Variants in ZFP62 observed in about 807,000 individuals in gnomAD.
The protein encoded by ZFP62 is ZFP62 zinc finger protein.
In ZFP62, 44 loss-of-function variants were observed where a neutral mutation model predicts 56.4. The observed-to-expected ratio is 0.78, with a 90% CI of 0.61 to 1.00. ZFP62 has a LOEUF of 1.00. Ranked by LOEUF, ZFP62 falls within the 50% of genes least tolerant of loss-of-function variation. The probability of loss-of-function intolerance (pLI) is 0.00; values close to 1 mark genes in which losing one functional copy is unlikely to be tolerated. For synonymous variants in ZFP62, 421 were observed against 388.9 expected, an observed-to-expected ratio of 1.08 and a Z score of -0.97; for missense variants, 1,030 against 1,085.7, an observed-to-expected ratio of 0.95 and a Z score of 0.72.
rs141258344 is a variant in ZFP62, at chr5:180,852,382, C to T, written c.2-889G>A. ...ACCATCCTGGCCAACATGGTTAAGC[C>T]GTCTCTAGTAAAAATACAAAAATTA... On this transcript the variant is annotated intron_variant, in intron 1 of 1. Transcript: ENST00000502412. Among the ~76,000 whole-genome samples, 544 of 151,998 alleles carry T rather than the reference C, an allele frequency of 3.6e-3. 6 individuals are homozygous for T. Among genetic ancestry groups the T allele is most frequent in the African/African-American group, 0.012 (494 of 41,454 alleles).
chr5:180,850,849 T>C lies in ZFP62; in HGVS notation c.646A>G (p.Lys216Glu). The change falls in exon 2 of 2, where the codon AAA (lysine) becomes GAA (glutamate). Residue 216 changes from lysine (K) to glutamate (E), a missense_variant. By Grantham distance (56) the Lys-to-Glu change is moderately conservative. Coordinates refer to ENST00000502412, the MANE Select transcript of ZFP62 (RefSeq NM_001172638.2). Reference protein sequence around the residue: ...YMSYSSLINHKSTHSGEKNCK... With the variant: ...YMSYSSLINHESTHSGEKNCK... ...TTCTTCTCCCCAGAATGGGTGCTTTTGTGGTTTATAAGGCTGGAGTAGGAC... is the reference window on the plus strand; with the variant it reads ...TTCTTCTCCCCAGAATGGGTGCTTTCGTGGTTTATAAGGCTGGAGTAGGAC... 1 of 1,563,756 alleles carries C rather than the reference T, an allele frequency of 6.4e-7. No individual in the cohort carries two copies. Among genetic ancestry groups the C allele is most frequent in the Non-Finnish European group, 8.7e-7 (1 of 1,154,178 alleles).
the ZFP62 span, among the ~76,000 whole-genome samples, chr5:180,836,561 T>C: frequency 2.0e-5 from 3 of 152,254 alleles, no homozygotes; most frequent in Non-Finnish European, 4.4e-5. Flanking sequence ...TTTGTAAAGA[T>C]GCAATTTCCA....
chr5:180,833,999 A>T, the ZFP62 span, among the ~76,000 whole-genome samples: 1 of 152,152 alleles, frequency 6.6e-6, no homozygotes, highest in Non-Finnish European at 1.5e-5. Context: ...AACCCAAGCT[A>T]AGACACTCCA....
At chr5:180,832,766 C>CA in the ZFP62 span, 3 of 152,228 alleles carry the variant, frequency 2.0e-5, no homozygotes, top group African/African-American at 7.2e-5. Context: ...CTGCATCACC[C>CA]AGGAACTTGT....
downstream of ZFP62, among the ~76,000 whole-genome samples, chr5:180,845,465 G>T (rs557741913): frequency 6.7e-6 from 1 of 150,192 alleles, no homozygotes; most frequent in African/African-American, 2.5e-5. Flanking sequence ...CCATGTCCTC[G>T]GCCACTATAC....
Position 180,849,142 on chromosome 5 carries a change from A to G in ZFP62, c.2353T>C (p.Tyr785His). The change falls in exon 2 of 2, where the codon TAT becomes CAT. Residue 785 changes from tyrosine (Y) to histidine (H), a missense_variant. By Grantham distance (83) the Tyr-to-His change is moderately conservative. Transcript: ENST00000502412. ...HKRIHTGEKP[Y>H]ECDECGKAYI... ...GCCTTCCCACACTCATCACATTCAT[A>G]GGGTTTCTCACCTGTGTGGATCCTT... The G allele has an allele frequency of 1.9e-6, 3 of 1,562,998 alleles. 1 individual carries two copies. In the South Asian group the frequency reaches 3.5e-5, roughly 18 times the overall value.
the ZFP62 span, among the ~76,000 whole-genome samples, chr5:180,828,405 C>T: frequency 2.8e-3 from 424 of 152,320 alleles, 3 homozygotes; most frequent in African/African-American, 9.6e-3. Context: ...CCAAGAAGCT[C>T]CACCTTCATC....
chr5:180,838,831 T>C, the ZFP62 span, among the ~76,000 whole-genome samples: 1 of 152,212 alleles, frequency 6.6e-6, no homozygotes, highest in Non-Finnish European at 1.5e-5. Context: ...TTGTCAAAAG[T>C]ATAAATTGTT....
intron 1 of ZFP62, 112 bp from the exon 2 acceptor site, chr5:180,851,605 T>C: frequency 8.2e-7 from 1 of 1,216,274 alleles, no homozygotes; most frequent in Non-Finnish European, 1.1e-6. Context: ...GACAACATAC[T>C]GTGTGACAGG....
chr5:180,842,045 T>C, the ZFP62 span, among the ~76,000 whole-genome samples: 1 of 152,036 alleles, frequency 6.6e-6, no homozygotes, highest in East Asian at 1.9e-4. Context: ...ATACTCCGTC[T>C]CCAGAAAAAA....
chr5:180,842,305 G>A, the ZFP62 span, among the ~76,000 whole-genome samples: 26 of 152,146 alleles, frequency 1.7e-4, no homozygotes, highest in Non-Finnish European at 2.9e-4. Flanking sequence ...ATGGTATAGA[G>A]CTAATATCTG....
chr5:180,856,576 A>G (rs1773984889), intron 1 of ZFP62, among the ~76,000 whole-genome samples: 1 of 152,200 alleles, frequency 6.6e-6, no homozygotes, highest in Admixed American at 6.5e-5. Context: ...ATTCCTATCC[A>G]AAGACATGGA....
Position 180,849,757 on chromosome 5 carries a change from T to C in ZFP62, c.1738A>G (p.Lys580Glu), listed in dbSNP as rs1773586055. The change falls in exon 2 of 2, where the codon AAA becomes GAA. Residue 580 changes from lysine to glutamate, a missense_variant. Transcript: ENST00000502412. The stretch of plus-strand genomic sequence containing the variant: ...GGCTTCTCCCCAGGGTGTACACTTT[T>C]ATGATTTATAAGGCTCGAGAGAGAG... ...YISLSSLINH[K>E]SVHPGEKPFK... 1.3e-6 allele frequency: 2 copies of C among 1,551,818 alleles called. No homozygotes were observed. Among genetic ancestry groups the C allele is most frequent in the Non-Finnish European group, 1.7e-6 (2 of 1,147,132 alleles).
downstream of ZFP62, among the ~76,000 whole-genome samples, chr5:180,842,666 G>C (rs1357709140): frequency 6.6e-6 from 1 of 152,160 alleles, no homozygotes. Flanking sequence ...ACCTCTAACA[G>C]GACAGAGTAT....
At chr5:180,852,251 G>A (rs2113690860) in intron 1 of ZFP62, among the ~76,000 whole-genome samples, 1 of 152,122 alleles carries the variant, frequency 6.6e-6, no homozygotes, top group East Asian at 1.9e-4. Context: ...CAACTATGAA[G>A]CCATATGGAA....
rs1480676460 is a variant in ZFP62, at chr5:180,849,215, A to G, written c.2280T>C (p.Asp760=). Residue 760 remains aspartate, a synonymous_variant, in exon 2 of 2, where the codon GAT becomes GAC. Coordinates refer to ENST00000502412, the MANE Select transcript of ZFP62 (RefSeq NM_001172638.2). ...TGTTCCTGAAGGCCTTCCCACACCT[A>G]TCACACACATAGGGTTTCTCCCCTG... ...IHTGEKPYVC[D]RCGKAFRNSS... is the part of the protein sequence containing the mutation. 5 of 1,559,762 alleles carry G rather than the reference A, an allele frequency of 3.2e-6. No homozygotes were observed. In the South Asian group the frequency reaches 5.9e-5, roughly 18 times the overall value.
the ZFP62 span, among the ~76,000 whole-genome samples, chr5:180,839,326 G>A: frequency 6.6e-6 from 1 of 152,190 alleles, no homozygotes; most frequent in South Asian, 2.1e-4. Flanking sequence ...AACCATGACA[G>A]CCTGTTTGTA....
rs1384982010 is a variant in ZFP62 at position 180,850,963 on chromosome 5, A to G, written c.532T>C (p.Phe178Leu). The part of the protein sequence containing the change: ...RYECDDCGGT[F>L]RSSSSLRVHK... ...ACCCGAAGGCTCGAGCTGCTCCGGA[A>G]AGTCCCTCCACAGTCATCACATTCA... is the stretch of plus-strand genomic sequence containing the variant. Residue 178 changes from phenylalanine (F) to leucine (L), a missense_variant, in exon 2 of 2, where the codon TTC becomes CTC. Physicochemically the swap from Phe to Leu is conservative, Grantham distance 22. Transcript: ENST00000502412. 6.4e-7 allele frequency: 1 copy of G among 1,553,794 alleles called. No homozygotes were observed. Among genetic ancestry groups the G allele is most frequent in the Admixed American group, 2.0e-5 (1 of 51,106 alleles).
At position 180,849,795 on chromosome 5, in the gene ZFP62, C is replaced by T; in HGVS notation, c.1700G>A (p.Gly567Glu). Residue 567 changes from glycine to glutamate, a missense_variant, in exon 2 of 2, where the codon GGG becomes GAG. Gly to Glu is a moderately conservative substitution (Grantham distance 98, BLOSUM62 -2). Transcript: ENST00000502412. ...GERPYKCEEC[G>E]KAYISLSSLI... ...GCTCGAGAGAGAGATGTATGCTTTC[C>T]CACATTCTTCACATTTGTAAGGTCG... 1 of 1,551,864 alleles carries T rather than the reference C, an allele frequency of 6.4e-7. No individual in the cohort carries two copies. The highest frequency in any genetic ancestry group is 8.7e-7 in the Non-Finnish European group (1 of 1,147,100).
Sources: gnomAD v4.1 joint callset for allele counts (sites outside exome capture counted in the v4.1 genomes callset) on GRCh38, gnomAD v4.1.1 for gene constraint, MANE v1.5 for transcripts, NCBI Gene and HGNC (gene_info 2026-07-23, HGNC 2026-07-21) for gene names.